The following DOCK2 variants were observed in gnomAD, a reference collection of about 807,000 sequenced individuals.
DOCK2 encodes the protein dedicator of cytokinesis protein 2.
DOCK2 carries 87 observed loss-of-function variants against 248.9 expected under a neutral mutation model. The ratio of observed to expected loss-of-function variants is 0.35; its 90% CI spans 0.29 to 0.42. DOCK2 has a LOEUF of 0.42. Ranked by LOEUF, DOCK2 falls within the 10% of genes least tolerant of loss-of-function variation. DOCK2 has a pLI of 1.00. For missense variants in DOCK2, 1,747 were observed against 2,300.2 expected (o/e 0.76, Z 4.92); for synonymous variants, 805 against 821.6 (o/e 0.98, Z 0.35).
chr5:169,840,851 T>C lies in DOCK2; in HGVS notation c.2798T>C (p.Ile933Thr), dbSNP rs757422370. The C allele has an allele frequency of 6.2e-7, 1 of 1,613,676 alleles. No individual in the cohort carries two copies. The highest frequency in any genetic ancestry group is 1.1e-5 in the South Asian group (1 of 91,028). Residue 933 changes from isoleucine to threonine, a missense_variant and splice_region_variant, in exon 27 of 52, where the codon ATT becomes ACT. Around this residue, in one of 4 missense-constraint regions of DOCK2, gnomAD observed 858 missense variants for 1,183.5 expected, o/e 0.72. Transcript: ENST00000520908. ...VITMGRDHIL[I>T]SHFVACMTAI... The stretch of plus-strand genomic sequence containing the variant: ...ACCATGGGCCGGGATCACATTCTGA[T>C]TGTGAGTGGATTATTTCTTCTTGTC...
chr5:170,061,753 C>G (rs1459172333), intron 44 of DOCK2, among the ~76,000 whole-genome samples: 2 of 152,212 alleles, frequency 1.3e-5, no homozygotes, highest in African/African-American at 4.8e-5. Flanking sequence ...CTGCTCTTTC[C>G]ATTTTTAATG....
rs55660700 is a variant in DOCK2 at position 169,804,437 on chromosome 5, AGTGTGTGTGTGTGT to A, written c.2703+1267_2703+1280del. Among the ~76,000 whole-genome samples, 1,233 of 134,642 alleles carry A rather than the reference AGTGTGTGTGTGTGT, an allele frequency of 9.2e-3. 7 individuals are homozygous for A. Among genetic ancestry groups the A allele is most frequent in the Non-Finnish European group, 9.4e-3 (594 of 63,184 alleles). The allele number at this position is 134,642 out of a possible 152,430, so 88.3% of individuals were successfully genotyped here. On this transcript the variant is annotated intron_variant, in intron 26 of 51. Transcript: ENST00000520908. ...CATATTTGGGGTACAAGAGCTACAA[AGTGTGTGTGTGTGT>A]GTGTGTGTGTGTGTGTGTGTGTGTG...
In DOCK2 at chr5:170,032,228, G is replaced by A. The variant is rs563744473; in HGVS notation, c.3468-2171G>A. On this transcript the variant is annotated intron_variant, in intron 34 of 51. Transcript: ENST00000520908. Reference sequence around the variant, plus strand: ...TTTTTAGTAGAGATGGGGTTTCACCGTGGGAGCCAGGATTGTCTCTATCTC... The same window carrying A: ...TTTTTAGTAGAGATGGGGTTTCACCATGGGAGCCAGGATTGTCTCTATCTC... 2.4e-4 allele frequency among the ~76,000 whole-genome samples: 36 copies of A among 152,032 alleles called. No individual in the cohort carries two copies. The East Asian group carries it at 5.0e-3, about 21-fold the overall frequency.
chr5:170,034,335 C>T, intron 34 of DOCK2, 64 bp from the exon 35 acceptor site: 3 of 1,588,542 alleles, frequency 1.9e-6, no homozygotes, highest in Admixed American at 1.7e-5. Context: ...TCCCACCGCC[C>T]ACTGGCCCCA....
chr5:169,827,454 T>C (rs531078209), intron 26 of DOCK2, among the ~76,000 whole-genome samples: 14 of 152,328 alleles, frequency 9.2e-5, no homozygotes, highest in African/African-American at 3.4e-4. Flanking sequence ...CAAGATGACT[T>C]GGTTATAATA....
At chr5:170,074,342 C>A (rs1757773711) in intron 46 of DOCK2, among the ~76,000 whole-genome samples, 1 of 152,060 alleles carries the variant, frequency 6.6e-6, no homozygotes, top group Admixed American at 6.6e-5. Flanking sequence ...TGGTCTCTGT[C>A]TTTCCTATTG....
At chr5:169,835,071 G>A (rs533196592) in intron 26 of DOCK2, among the ~76,000 whole-genome samples, 13 of 152,182 alleles carry the variant, frequency 8.5e-5, no homozygotes, top group African/African-American at 2.9e-4. Flanking sequence ...CATGAAATGA[G>A]GAGTGTGCAA....
At chr5:169,881,304 A>G (rs941310761) in intron 27 of DOCK2, 14 of 1,346,256 alleles carry the variant, frequency 1.0e-5, no homozygotes, top group East Asian at 7.6e-5. Context: ...AAAGTTTGCT[A>G]GAGTGTTCAG....
intron 29 of DOCK2, 58 bp from the exon 30 acceptor site, chr5:169,996,028 A>G: frequency 6.3e-7 from 1 of 1,578,820 alleles, no homozygotes; most frequent in East Asian, 2.2e-5. Context: ...TGGCATAAGG[A>G]CGAAGGAACT....
intron 22 of DOCK2, among the ~76,000 whole-genome samples, chr5:169,725,856 A>G (rs1357125182): frequency 6.6e-6 from 1 of 152,102 alleles, no homozygotes. Context: ...TTATGGCTGC[A>G]TAGTATTCCA....
intron 9 of DOCK2, among the ~76,000 whole-genome samples, chr5:169,695,546 A>G (rs2046966610): frequency 1.3e-5 from 2 of 152,158 alleles, no homozygotes; most frequent in African/African-American, 2.4e-5. Flanking sequence ...CTCTTGCCCT[A>G]TCATTTTGAG....
intron 34 of DOCK2, among the ~76,000 whole-genome samples, chr5:170,029,390 T>C (rs905711674): frequency 1.3e-5 from 2 of 152,220 alleles, no homozygotes; most frequent in African/African-American, 2.4e-5. Context: ...TATGGGTCGC[T>C]TGTATATCTT....
rs146301191 is a variant in DOCK2 at position 169,644,126 on chromosome 5, A to G, written c.43+6757A>G. 6.4e-4 allele frequency among the ~76,000 whole-genome samples: 98 copies of G among 152,328 alleles called. 1 individual carries two copies. The highest frequency in any genetic ancestry group is 2.2e-3 in the African/African-American group (93 of 41,572). On this transcript the variant is annotated intron_variant, in intron 1 of 51. Coordinates refer to ENST00000520908, the MANE Select transcript of DOCK2 (RefSeq NM_004946.3). The stretch of plus-strand genomic sequence containing the variant: ...AGGAATGGATTCTCTGAGAGAGGTC[A>G]TAGGGAGCAGTGCCTCGTAGGTATT...
chr5:169,673,217 C>T (rs1759134331), intron 5 of DOCK2, among the ~76,000 whole-genome samples: 1 of 151,904 alleles, frequency 6.6e-6, no homozygotes, highest in South Asian at 2.1e-4. Flanking sequence ...GCAACCAGCC[C>T]CTCATCCTGA....
Position 170,077,819 on chromosome 5 carries a change from G to A in DOCK2, c.4976G>A (p.Ser1659Asn). 1 of 1,613,190 alleles carries A rather than the reference G, an allele frequency of 6.2e-7. No individual in the cohort carries two copies. Among genetic ancestry groups the A allele is most frequent in the Non-Finnish European group, 8.5e-7 (1 of 1,179,914 alleles). The change falls in exon 48 of 52, where the codon AGC (serine) becomes AAC (asparagine). Residue 1659 changes from serine (S) to asparagine (N), a missense_variant. Ser to Asn is a conservative substitution (Grantham distance 46). This residue lies in a region of DOCK2 where 513 missense variants were observed against 586.1 expected (regional missense o/e 0.88). Transcript: ENST00000520908. ...ASMNSDCSTP[S>N]KPTSESFDLE... ...ATGAATTCTGACTGCAGCACCCCCAGCAAGCCTACCTCAGAGAGGTCAGTC... is the reference window on the plus strand; with the variant it reads ...ATGAATTCTGACTGCAGCACCCCCAACAAGCCTACCTCAGAGAGGTCAGTC...
rs561167237 is a variant in DOCK2 at position 169,866,304 on chromosome 5, A to AATT, written c.2799+25453_2799+25455dup. On this transcript the variant is annotated intron_variant, in intron 27 of 51. Transcript: ENST00000520908. The stretch of plus-strand genomic sequence containing the variant: ...ATAGGCCATCATTATATTAAATTAG[A>AATT]ATTGTATTGTGGATGAAACATAGGC... 2.3e-3 allele frequency among the ~76,000 whole-genome samples: 357 copies of AATT among 152,272 alleles called. 3 individuals carry two copies. The highest frequency in any genetic ancestry group is 8.3e-3 in the African/African-American group (343 of 41,526).
chr5:169,926,894 A>T (rs1297199020), intron 27 of DOCK2, among the ~76,000 whole-genome samples: 1 of 152,246 alleles, frequency 6.6e-6, no homozygotes, highest in Non-Finnish European at 1.5e-5. Flanking sequence ...ATGAAAAATA[A>T]TTGTAAATTA....
chr5:169,741,065 T>C (rs1581123429), intron 22 of DOCK2, among the ~76,000 whole-genome samples: 1 of 152,178 alleles, frequency 6.6e-6, no homozygotes, highest in South Asian at 2.1e-4. Context: ...GCTCAAGTGA[T>C]CCTCCCATTT....
In DOCK2 at chr5:169,764,773, C is replaced by T. The variant is rs6869558; in HGVS notation, c.2554+3148C>T. Reference sequence around the variant, plus strand: ...CAACTACATGGTTTTCCTCAGGGTCCGAGAGACACAGGACCTAATGAATAA... The same window carrying T: ...CAACTACATGGTTTTCCTCAGGGTCTGAGAGACACAGGACCTAATGAATAA... On this transcript the variant is annotated intron_variant, in intron 25 of 51. Coordinates refer to ENST00000520908, the MANE Select transcript of DOCK2 (RefSeq NM_004946.3). The surrounding 1 kb of genome is among the most constrained non-coding windows in gnomAD (Gnocchi z 4.3). 0.021 allele frequency among the ~76,000 whole-genome samples: 3,247 copies of T among 152,124 alleles called. 141 individuals carry two copies. The highest frequency in any genetic ancestry group is 0.075 in the African/African-American group (3,099 of 41,494).
Sources: gnomAD v4.1 joint callset for allele counts (sites outside exome capture counted in the v4.1 genomes callset) on GRCh38, gnomAD v4.1.1 for gene constraint, gnomAD v4.1.1 regional missense constraint, Gnocchi (gnomAD v3.1) non-coding constraint, MANE v1.5 for transcripts, NCBI Gene and HGNC (gene_info 2026-07-23, HGNC 2026-07-21) for gene names.